TENM3: variants seen among roughly 807,000 people sequenced by gnomAD.
TENM3 encodes the protein teneurin transmembrane protein 3, also known as teneurin-3.
TENM3 carries 63 observed loss-of-function variants against 255.1 expected under a neutral mutation model. The observed-to-expected ratio is 0.25, with a 90% CI of 0.20 to 0.30. The LOEUF (loss-of-function observed/expected upper bound fraction) is 0.30. Among genes scored for constraint, TENM3 ranks in the 10% least tolerant of loss-of-function variants. The pLI, the probability that TENM3 is intolerant of heterozygous loss-of-function variation, is 1.00. For synonymous variants in TENM3, 1,306 were observed against 1,322.3 expected, an observed-to-expected ratio of 0.99 and a Z score of 0.27; for missense variants, 2,929 against 3,461.1, an observed-to-expected ratio of 0.85 and a Z score of 3.86.
chr4:182,309,445 T>C (rs6842588), intron 1 of TENM3, among the ~76,000 whole-genome samples: 36,856 of 152,096 alleles, frequency 0.24, 4,628 homozygotes, highest in African/African-American at 0.27. Flanking sequence ...TACCAGGTCT[T>C]CACCTAGTTA....
At chr4:182,315,315 A>G (rs926103096) in intron 1 of TENM3, among the ~76,000 whole-genome samples, 19 of 151,960 alleles carry the variant, frequency 1.3e-4, no homozygotes, top group South Asian at 2.1e-4. Flanking sequence ...TTGTAATGAG[A>G]GTCTGCTGAT....
At chr4:181,497,092 T>G in the TENM3 span, among the ~76,000 whole-genome samples, 19 of 152,162 alleles carry the variant, frequency 1.2e-4, no homozygotes, top group Admixed American at 1.1e-3. Flanking sequence ...GCTCACGACT[T>G]TTTCTAGGCA....
At chr4:182,079,373 G>A in the TENM3 span, among the ~76,000 whole-genome samples, 8 of 152,184 alleles carry the variant, frequency 5.3e-5, no homozygotes, top group Middle Eastern at 3.4e-3. Flanking sequence ...AAAATTAGCC[G>A]GGCGCAGTGG....
intron 1 of TENM3, among the ~76,000 whole-genome samples, chr4:182,173,579 A>G (rs1476843299): frequency 2.6e-5 from 4 of 152,174 alleles, no homozygotes; most frequent in South Asian, 2.1e-4. Flanking sequence ...ATATAATCCT[A>G]TGTGGCCAGG....
At chr4:181,867,482 C>G in the TENM3 span, among the ~76,000 whole-genome samples, 2 of 152,100 alleles carry the variant, frequency 1.3e-5, no homozygotes, top group African/African-American at 4.8e-5. Context: ...GATTATACCT[C>G]TTTTATGATA....
Position 182,152,738 on chromosome 4 carries a change from T to C in TENM3, c.-76+7984T>C, listed in dbSNP as rs115400500. Among the ~76,000 whole-genome samples the C allele has an allele frequency of 6.4e-3, 973 of 152,000 alleles. 14 individuals carry two copies. Among genetic ancestry groups the C allele is most frequent in the African/African-American group, 0.022 (897 of 41,560 alleles). On this transcript the variant is annotated intron_variant, in intron 1 of 2. Coordinates refer to the TENM3 transcript ENST00000512480. ...ACTAAAGATAAAGTACTTTAAAAAT[T>C]TAAAGTTTTTTATCCTGTGTTTTGG...
At chr4:181,695,079 G>A in the TENM3 span, among the ~76,000 whole-genome samples, 1 of 151,992 alleles carries the variant, frequency 6.6e-6, no homozygotes, top group East Asian at 1.9e-4. Context: ...ATAAAATGGT[G>A]GTTTCTTATC....
At chr4:182,580,190 G>A (rs1745346937) in intron 3 of TENM3, among the ~76,000 whole-genome samples, 1 of 152,170 alleles carries the variant, frequency 6.6e-6, no homozygotes, top group South Asian at 2.1e-4. Flanking sequence ...ACTCTTTTGA[G>A]AGCTGTCATT....
At chr4:181,998,016 C>A in the TENM3 span, among the ~76,000 whole-genome samples, 1 of 152,058 alleles carries the variant, frequency 6.6e-6, no homozygotes, top group Non-Finnish European at 1.5e-5. Context: ...GAATTGGTAG[C>A]CAAAAAAGAG....
the TENM3 span, among the ~76,000 whole-genome samples, chr4:182,100,071 G>A: frequency 6.6e-6 from 1 of 151,824 alleles, no homozygotes; most frequent in East Asian, 1.9e-4. Flanking sequence ...TCTGTTTATG[G>A]TTCCCTGGAA....
the TENM3 span, among the ~76,000 whole-genome samples, chr4:181,834,295 A>G: frequency 6.1e-4 from 93 of 152,274 alleles, 1 homozygote; most frequent in Non-Finnish European, 1.1e-3. Flanking sequence ...TGTTTGTTTT[A>G]CACTAAAGAG....
At chr4:182,246,289 T>C (rs1440011718) in intron 1 of TENM3, among the ~76,000 whole-genome samples, 1 of 152,058 alleles carries the variant, frequency 6.6e-6, no homozygotes, top group Non-Finnish European at 1.5e-5. Flanking sequence ...AAAGAAGTCA[T>C]GGAAGCAACA....
chr4:181,521,024 T>A, the TENM3 span, among the ~76,000 whole-genome samples: 1 of 152,074 alleles, frequency 6.6e-6, no homozygotes, highest in Non-Finnish European at 1.5e-5. Flanking sequence ...CGTGTAGGTC[T>A]CCCCAGAGCT....
chr4:182,716,671 C>T (rs1561150622), intron 13 of TENM3, among the ~76,000 whole-genome samples: 1 of 152,130 alleles, frequency 6.6e-6, no homozygotes, highest in Non-Finnish European at 1.5e-5. Context: ...CACCAAACCC[C>T]AAATCAAAAC....
intron 13 of TENM3, among the ~76,000 whole-genome samples, chr4:182,723,917 T>C (rs56077294): frequency 1.8e-3 from 277 of 152,232 alleles, no homozygotes; most frequent in African/African-American, 6.4e-3. Context: ...TTCTACAAAA[T>C]AATTTCGCCA....
At chr4:182,198,475 T>G (rs978786970) in intron 1 of TENM3, among the ~76,000 whole-genome samples, 4 of 152,216 alleles carry the variant, frequency 2.6e-5, no homozygotes, top group African/African-American at 9.6e-5. Context: ...AGGATTGGCT[T>G]TGGGATTCAG....
chr4:181,878,721 A>T, the TENM3 span, among the ~76,000 whole-genome samples: 2 of 151,764 alleles, frequency 1.3e-5, no homozygotes, highest in African/African-American at 4.8e-5. Flanking sequence ...TTCATCTATC[A>T]TATCATCTAT....
chr4:181,494,948 C>A, the TENM3 span, among the ~76,000 whole-genome samples: 3 of 152,148 alleles, frequency 2.0e-5, no homozygotes, highest in African/African-American at 7.2e-5. Context: ...CCACCTACTT[C>A]ATCTTGTTCG....
chr4:181,986,088 G>A, the TENM3 span, among the ~76,000 whole-genome samples: 28,365 of 151,940 alleles, frequency 0.19, 2,771 homozygotes, highest in Admixed American at 0.24. Context: ...AAGGGTTTCC[G>A]TTTCTATTAA....
Sources: gnomAD v4.1 joint callset for allele counts (sites outside exome capture counted in the v4.1 genomes callset) on GRCh38, gnomAD v4.1.1 for gene constraint, MANE v1.5 for transcripts, NCBI Gene and HGNC (gene_info 2026-07-23, HGNC 2026-07-21) for gene names.